Variants in EPB41L4A observed in about 807,000 individuals in gnomAD.
The protein encoded by EPB41L4A is band 4.1-like protein 4A.
A neutral mutation model predicts 108.6 loss-of-function variants in EPB41L4A; 100 were observed. That is an observed-to-expected ratio of 0.92 (90% CI 0.78 to 1.09). EPB41L4A has a LOEUF of 1.09. EPB41L4A is among the 50% of genes least tolerant of loss of function. EPB41L4A has a pLI of 0.00. For missense variants in EPB41L4A, 1,030 were observed against 842.7 expected (o/e 1.22, Z -2.75); for synonymous variants, 319 against 289.0 (o/e 1.10, Z -1.05).
chr5:112,153,545 A>C (rs1759546332), intron 12 of EPB41L4A, among the ~76,000 whole-genome samples: 1 of 149,680 alleles, frequency 6.7e-6, no homozygotes, highest in Non-Finnish European at 1.5e-5. Flanking sequence ...AAAACAAAAG[A>C]AAAGAAAAAG....
chr5:112,261,391 T>C (rs1751471627), intron 7 of EPB41L4A, among the ~76,000 whole-genome samples: 1 of 152,214 alleles, frequency 6.6e-6, no homozygotes, highest in Non-Finnish European at 1.5e-5. Flanking sequence ...CTGAGTTCCA[T>C]AATCCAATTG....
intron 12 of EPB41L4A, among the ~76,000 whole-genome samples, chr5:112,146,446 G>T (rs902774772): frequency 1.3e-5 from 2 of 152,146 alleles, no homozygotes; most frequent in African/African-American, 4.8e-5. Context: ...AGGAGCAGAG[G>T]ATCTTCCAAC....
chr5:112,212,762 T>C (rs773232839), intron 12 of EPB41L4A, among the ~76,000 whole-genome samples: 1 of 152,232 alleles, frequency 6.6e-6, no homozygotes, highest in Admixed American at 6.5e-5. Context: ...ATACCCAGTG[T>C]CAATAACACC....
In EPB41L4A at chr5:112,259,983, C is replaced by A. The variant is rs1450639627; in HGVS notation, c.643-4G>T. 5 of 1,600,450 alleles carry A rather than the reference C, an allele frequency of 3.1e-6. No homozygotes were observed. The highest frequency in any genetic ancestry group is 4.5e-5 in the East Asian group (2 of 44,772). On this transcript the variant is annotated splice_polypyrimidine_tract_variant and splice_region_variant and intron_variant, in intron 7 of 22. Coordinates refer to ENST00000261486, the MANE Select transcript of EPB41L4A (RefSeq NM_022140.5). ...AATACTCAGACTTGTTTTCTCCCTG[C>A]AAAAACAAACATATGCCTATAACCA...
At chr5:112,259,322 T>G (rs1751332581) in intron 8 of EPB41L4A, 30 bp from the exon 9 acceptor site, 1 of 1,588,548 alleles carries the variant, frequency 6.3e-7, no homozygotes, top group African/African-American at 1.3e-5. Flanking sequence ...GTGTTGCTGC[T>G]GTTTTTAAGT....
At chr5:112,352,262 T>C (rs975250634) in intron 1 of EPB41L4A, among the ~76,000 whole-genome samples, 1 of 152,232 alleles carries the variant, frequency 6.6e-6, no homozygotes, top group Non-Finnish European at 1.5e-5. Context: ...TGTTTATTGC[T>C]ATAAGCTTCC....
At chr5:112,256,277 T>A (rs1035999716) in intron 9 of EPB41L4A, among the ~76,000 whole-genome samples, 1 of 152,162 alleles carries the variant, frequency 6.6e-6, no homozygotes, top group Non-Finnish European at 1.5e-5. Context: ...GATAAAACAG[T>A]AGTGATATTT....
At position 112,150,399 on chromosome 5, in the gene EPB41L4A, TAAAA is replaced by T. The variant is rs374699489; in HGVS notation, n.995-4405_995-4402del. On this transcript the variant is annotated intron_variant and non_coding_transcript_variant, in intron 12 of 13. Transcript: ENST00000507810. ...AGTGTGTTTCATCTATTTCAAGACA[TAAAA>T]GAGGGTGCATAACAAAAAAGCAAAA... Among the ~76,000 whole-genome samples, 477 of 151,992 alleles carry T rather than the reference TAAAA, an allele frequency of 3.1e-3. 3 individuals carry two copies. Among genetic ancestry groups the T allele is most frequent in the African/African-American group, 0.011 (460 of 41,442 alleles).
At chr5:112,305,199 T>G (rs1754607792) in intron 2 of EPB41L4A, among the ~76,000 whole-genome samples, 1 of 152,198 alleles carries the variant, frequency 6.6e-6, no homozygotes, top group African/African-American at 2.4e-5. Flanking sequence ...TAGTTTGCGT[T>G]TCATCATCTC....
intron 9 of EPB41L4A, among the ~76,000 whole-genome samples, chr5:112,253,978 C>G (rs572692057): frequency 2.0e-5 from 3 of 152,278 alleles, no homozygotes; most frequent in African/African-American, 7.2e-5. Flanking sequence ...TTCCCGTGTA[C>G]TCTCCTTAAA....
At chr5:112,286,347 A>C (rs1486205838) in intron 2 of EPB41L4A, among the ~76,000 whole-genome samples, 1 of 152,178 alleles carries the variant, frequency 6.6e-6, no homozygotes, top group Non-Finnish European at 1.5e-5. Flanking sequence ...CTCACATTGC[A>C]CAACCATAGG....
chr5:112,330,517 G>A (rs1195901617), intron 1 of EPB41L4A, among the ~76,000 whole-genome samples: 1 of 152,090 alleles, frequency 6.6e-6, no homozygotes, highest in Non-Finnish European at 1.5e-5. Context: ...CATGCATCCT[G>A]TATTTATTAA....
intron 1 of EPB41L4A, among the ~76,000 whole-genome samples, chr5:112,393,657 A>C (rs1761112859): frequency 6.6e-6 from 1 of 152,060 alleles, no homozygotes; most frequent in Admixed American, 6.5e-5. Flanking sequence ...ATTTTACCAG[A>C]GGTACAAGGA....
intron 12 of EPB41L4A, among the ~76,000 whole-genome samples, chr5:112,215,340 G>A (rs1225653319): frequency 6.6e-6 from 1 of 152,206 alleles, no homozygotes; most frequent in South Asian, 2.1e-4. Context: ...ATCAGTTATT[G>A]ACATATGGCT....
chr5:112,250,114 T>A (rs1330283799), intron 9 of EPB41L4A, among the ~76,000 whole-genome samples: 1 of 152,158 alleles, frequency 6.6e-6, no homozygotes, highest in Non-Finnish European at 1.5e-5. Flanking sequence ...AATTGAAGAA[T>A]AAAACTAATT....
At chr5:112,189,680 A>T (rs1761596887) in intron 17 of EPB41L4A, among the ~76,000 whole-genome samples, 1 of 151,236 alleles carries the variant, frequency 6.6e-6, no homozygotes, top group Non-Finnish European at 1.5e-5. Context: ...ATGCTGATGG[A>T]AAAAAACGCA....
At chr5:112,317,188 C>T (rs1580673197) in intron 1 of EPB41L4A, among the ~76,000 whole-genome samples, 1 of 152,102 alleles carries the variant, frequency 6.6e-6, no homozygotes, top group East Asian at 1.9e-4. Flanking sequence ...TCTCTCTAAA[C>T]TTGTTATATG....
intron 12 of EPB41L4A, among the ~76,000 whole-genome samples, chr5:112,220,034 A>G (rs1319386947): frequency 1.3e-5 from 2 of 152,194 alleles, no homozygotes; most frequent in Admixed American, 1.3e-4. Flanking sequence ...AGGTGGTTTT[A>G]TTTCCCTAAT....
At position 112,390,406 on chromosome 5, in the gene EPB41L4A, G is replaced by T. The variant is rs114570470; in HGVS notation, c.99+28535C>A. Among the ~76,000 whole-genome samples the T allele has an allele frequency of 5.1e-3, 778 of 152,264 alleles. 3 individuals are homozygous for T. The highest frequency in any genetic ancestry group is 0.018 in the African/African-American group (741 of 41,548). On this transcript the variant is annotated intron_variant, in intron 1 of 22. Transcript: ENST00000261486. Reference sequence around the variant, plus strand: ...ACCAGGAGATTACATCCCGCACCTGGCTCAGTGGGTCTCACACCCACGGAG... The same window carrying T: ...ACCAGGAGATTACATCCCGCACCTGTCTCAGTGGGTCTCACACCCACGGAG...
Sources: allele counts gnomAD v4.1 joint callset (sites outside exome capture counted in the v4.1 genomes callset), GRCh38; gene constraint gnomAD v4.1.1; transcripts MANE v1.5; gene names NCBI Gene and HGNC (gene_info 2026-07-23, HGNC 2026-07-21).